The following PLEC variants were observed in gnomAD, a reference collection of about 807,000 sequenced individuals.
The protein encoded by PLEC is hemidesmosomal protein 1.
PLEC carries 216 observed loss-of-function variants against 392.8 expected under a neutral mutation model. The observed-to-expected ratio is 0.55, with a 90% confidence interval of 0.49 to 0.62. PLEC has a LOEUF of 0.62. Ranked by LOEUF, PLEC falls within the 20% of genes least tolerant of loss-of-function variation. The pLI, the probability that PLEC is intolerant of heterozygous loss-of-function variation, is 0.00. For synonymous variants in PLEC, 3,621 were observed against 2,980.6 expected (o/e 1.21, Z -7.00); for missense variants, 6,863 against 6,563.4 (o/e 1.05, Z -1.58).
rs782404494 is a variant in PLEC at position 143,924,437 on chromosome 8, G to A, written c.5492C>T (p.Ala1831Val). 26 of 1,573,708 alleles carry A rather than the reference G, an allele frequency of 1.7e-5. No individual in the cohort carries two copies. The highest frequency in any genetic ancestry group is 2.3e-5 in the East Asian group (1 of 42,798). ...CAGCTTCTCCGCAAGCACCCGCTCC[G>A]CCTCGGCCCGCTGCCGCGCCGCGTC... is the stretch of plus-strand genomic sequence containing the variant. ...EEDAARQRAEAERVLAEKLAA... is the reference protein window; with the variant it reads ...EEDAARQRAEVERVLAEKLAA... Residue 1831 changes from alanine to valine, a missense_variant, in exon 31 of 32, where the codon GCG becomes GTG. Transcript: ENST00000345136.
chr8:143,921,631 C>T lies in PLEC; in HGVS notation c.8190G>A (p.Leu2730=). ...GGAAGCCTGAGGCCGCCTGCGCCTC[C>T]AGCAGGATGAGGGCCGTGCCGGGAC... ...LLSPGTALIL[L]EAQAASGFLL... is the part of the protein sequence containing the mutation. Residue 2730 remains leucine (L), a synonymous_variant, in exon 32 of 32, where the codon CTG becomes CTA. Transcript: ENST00000345136. The T allele has an allele frequency of 6.2e-7, 1 of 1,613,058 alleles. No individual in the cohort carries two copies. Among genetic ancestry groups the T allele is most frequent in the Non-Finnish European group, 8.5e-7 (1 of 1,179,916 alleles).
At chr8:143,937,812 A>T (rs1320731847) in intron 3 of PLEC, 1 of 533,452 alleles carries the variant, frequency 1.9e-6, no homozygotes, top group Non-Finnish European at 3.6e-6. Flanking sequence ...GGCAAAGGGT[A>T]AAGGGCAGAG....
Position 143,939,446 on chromosome 8 carries a change from G to T in PLEC, c.16C>A (p.Leu6Ile). Residue 6 changes from leucine (L) to isoleucine (I), a missense_variant, in exon 1 of 32, where the codon CTC (leucine) becomes ATC (isoleucine). Transcript: ENST00000345136. ...AGGCCCTCGGGCTGCGGCACGCGGA[G>T]CTGGTGCTGAGACATGCTGCCCCCA... MSQHQLRVPQPEGLGR... is the reference protein window; with the variant it reads MSQHQIRVPQPEGLGR... The T allele has an allele frequency of 6.2e-7, 1 of 1,611,834 alleles. No individual in the cohort carries two copies.
intron 14 of PLEC, 22 bp downstream of exon 14, chr8:143,932,771 C>T (rs1554718075): frequency 1.2e-6 from 2 of 1,610,896 alleles, no homozygotes; most frequent in Non-Finnish European, 1.7e-6. Flanking sequence ...CCCCGCACTG[C>T]CCATCGCTCA....
rs1554710140 is a variant in PLEC at position 143,929,096 on chromosome 8, C to T, written c.3260+7G>A. On this transcript the variant is annotated splice_region_variant and intron_variant, in intron 25 of 31. Transcript: ENST00000345136. ...CCAGCCCCTCGCCTGTGGCCAGGTG[C>T]ACTCACTTCTCCAGGTAGATGGCAG... 1.9e-6 allele frequency: 3 copies of T among 1,566,266 alleles called. No individual in the cohort carries two copies. Among genetic ancestry groups the T allele is most frequent in the Admixed American group, 1.9e-5 (1 of 52,778 alleles).
chr8:143,969,148 C>A lies in PLEC; in HGVS notation c.70+4255G>T, dbSNP rs1833277306. The stretch of plus-strand genomic sequence containing the variant: ...ATAAACGCATAAGCAAAAGTGGGCA[C>A]TTCCACACCACGGAACCGACTCCAG... On this transcript the variant is annotated intron_variant, in intron 1 of 31. Transcript: ENST00000356346. The surrounding 1 kb of genome is among the most constrained non-coding windows in gnomAD (Gnocchi z 5.1). Among the ~76,000 whole-genome samples, 1 of 152,232 alleles carries A rather than the reference C, an allele frequency of 6.6e-6. No individual in the cohort carries two copies. The highest frequency in any genetic ancestry group is 1.5e-5 in the Non-Finnish European group (1 of 68,040).
Position 143,920,807 on chromosome 8 carries a change from C to T in PLEC, c.9014G>A (p.Arg3005His), listed in dbSNP as rs369581930. ...CACCTCGGCTACGTCTCGCACAGAG[C>T]GCTCACCTCGCTGCAGCTGCTGGTA... Reference protein sequence around the residue: ...ELYQQLQRGERSVRDVAEVDT... With the variant: ...ELYQQLQRGEHSVRDVAEVDT... The change falls in exon 32 of 32, where the codon CGC becomes CAC. Residue 3005 changes from arginine (R) to histidine (H), a missense_variant. Arg to His is a conservative substitution (Grantham distance 29). Coordinates refer to ENST00000345136, the MANE Select transcript of PLEC (RefSeq NM_201384.3). 55 of 1,607,902 alleles carry T rather than the reference C, an allele frequency of 3.4e-5. No individual in the cohort carries two copies. The highest frequency in any genetic ancestry group is 2.5e-4 in the African/African-American group (19 of 75,052).
At chr8:143,957,156 A>T (rs1832638874), upstream of PLEC, among the ~76,000 whole-genome samples, 1 of 152,100 alleles carries the variant, frequency 6.6e-6, no homozygotes, top group African/African-American at 2.4e-5. Flanking sequence ...CGAGCAAGAG[A>T]TTTAGGCAGC....
rs1822838740 is a variant in PLEC at position 143,921,793 on chromosome 8, G to C, written c.8028C>G (p.His2676Gln). ...GCCGTGCGAGCTCGTCCACCGTGGT[G>C]TGGCCCTGCGCCAACCGCTGCAGCT... is the stretch of plus-strand genomic sequence containing the variant. ...AEELQRLAQGHTTVDELARRE... is the reference protein window; with the variant it reads ...AEELQRLAQGQTTVDELARRE... Residue 2676 changes from histidine to glutamine, a missense_variant, in exon 32 of 32, where the codon CAC becomes CAG. By Grantham distance (24) the His-to-Gln change is conservative. Transcript: ENST00000345136. 2.5e-6 allele frequency: 4 copies of C among 1,610,468 alleles called. No individual in the cohort carries two copies. Among genetic ancestry groups the C allele is most frequent in the Admixed American group, 1.7e-5 (1 of 60,010 alleles).
chr8:143,947,582 T>TA (rs1317332056), intron 1 of PLEC, among the ~76,000 whole-genome samples: 1,732 of 138,272 alleles, frequency 0.013, 35 homozygotes, highest in African/African-American at 0.039. Context: ...CCGTCTCTAC[T>TA]AAAAAAAAAA....
rs1554691742 is a variant in PLEC at position 143,923,269 on chromosome 8, T to C, written c.6660A>G (p.Ala2220=). 1 of 1,606,352 alleles carries C rather than the reference T, an allele frequency of 6.2e-7. No homozygotes were observed. The highest frequency in any genetic ancestry group is 2.2e-5 in the East Asian group (1 of 44,790). ...CCTCCTCCACCTGGCTGCGCTGGCG[T>C]GCGGCCTCCGTGGCCTCCGCCTTCA... The part of the protein sequence containing the change: ...QRLKAEATEA[A]RQRSQVEEEL... The change falls in exon 31 of 32, where the codon GCA becomes GCG. Residue 2220 remains alanine (A), a synonymous_variant. Transcript: ENST00000345136.
rs759030267 is a variant in PLEC, at chr8:143,916,984, G to A, written c.12837C>T (p.Pro4279=). ...SWSDPTEETG[P]VAGILDTETL... ...TCTCCGTGTCCAGGATGCCAGCCAC[G>A]GGGCCCGTCTCCTCAGTGGGGTCTG... is the stretch of plus-strand genomic sequence containing the variant. Residue 4279 remains proline, a synonymous_variant, in exon 32 of 32, where the codon CCC becomes CCT. Transcript: ENST00000345136. 1.1e-4 allele frequency: 183 copies of A among 1,612,790 alleles called. 1 individual carries two copies. The Middle Eastern group carries it at 2.5e-3, about 22-fold the overall frequency.
chr8:143,975,226 G>C (rs1564241904), upstream of PLEC: 5 of 1,605,290 alleles, frequency 3.1e-6, no homozygotes, highest in Middle Eastern at 6.6e-4. This position sits in a 1 kb window ranked among gnomAD's most constrained non-coding sequence, Gnocchi z 9.9. Context: ...CACTCCCGTT[G>C]CTCCCAGCGC....
chr8:143,922,278 T>C lies in PLEC; in HGVS notation c.7543A>G (p.Lys2515Glu). The C allele has an allele frequency of 6.2e-7, 1 of 1,605,546 alleles. No individual in the cohort carries two copies. The highest frequency in any genetic ancestry group is 8.5e-7 in the Non-Finnish European group (1 of 1,178,786). ...TCGTCCTGGAAGAGCTGCTCCAGCTTGGCCTTCTCCTGCTCGATGAAGCGC... is the reference window on the plus strand; with the variant it reads ...TCGTCCTGGAAGAGCTGCTCCAGCTCGGCCTTCTCCTGCTCGATGAAGCGC... ...RERFIEQEKAKLEQLFQDEVA... is the reference protein window; with the variant it reads ...RERFIEQEKAELEQLFQDEVA... Residue 2515 changes from lysine (K) to glutamate (E), a missense_variant, in exon 32 of 32, where the codon AAG (lysine) becomes GAG (glutamate). Physicochemically the swap from Lys to Glu is moderately conservative, Grantham distance 56. Transcript: ENST00000345136.
At position 143,923,859 on chromosome 8, in the gene PLEC, G is replaced by T; in HGVS notation, c.6070C>A (p.Leu2024Met). 1 of 1,590,972 alleles carries T rather than the reference G, an allele frequency of 6.3e-7. No homozygotes were observed. The highest frequency in any genetic ancestry group is 1.1e-5 in the South Asian group (1 of 90,090). The change falls in exon 31 of 32, where the codon CTG becomes ATG. Residue 2024 changes from leucine to methionine, a missense_variant. By Grantham distance (15) the Leu-to-Met change is conservative. Coordinates refer to ENST00000345136, the MANE Select transcript of PLEC (RefSeq NM_201384.3). ...GACTCCTGCTCCGCTCGCTCCCGCA[G>T]GCGCCGCGCCTCCTCCACCTTGGCT... Reference protein sequence around the residue: ...LKAKVEEARRLRERAEQESAR... With the variant: ...LKAKVEEARRMRERAEQESAR...
rs539190005 is a variant in PLEC at position 143,923,650 on chromosome 8, C to G, written c.6279G>C (p.Ala2093=). The G allele has an allele frequency of 1.3e-6, 2 of 1,575,366 alleles. No individual in the cohort carries two copies. Among genetic ancestry groups the G allele is most frequent in the Admixed American group, 3.5e-5 (2 of 57,676 alleles). Residue 2093 remains alanine, a synonymous_variant, in exon 31 of 32, where the codon GCG becomes GCC. Transcript: ENST00000345136. ...AEAARRAAEE[A]EEARVQAERE... ...GCTCCGCCTGCACCCGGGCCTCCTC[C>G]GCCTCCTCAGCCGCCCGCCGGGCCG...
chr8:143,943,861 G>A (rs1554730612), upstream of PLEC: 1 of 1,612,230 alleles, frequency 6.2e-7, no homozygotes, highest in African/African-American at 1.3e-5. Context: ...CAACCACCAG[G>A]GAGGGAAACA....
intron 31 of PLEC, 34 bp downstream of exon 31, chr8:143,922,469 GC>G (rs1340458191): frequency 1.9e-6 from 3 of 1,602,414 alleles, no homozygotes; most frequent in Admixed American, 1.7e-5. Context: ...AGATCCCCGG[GC>G]CCACCCGCCC....
intron 12 of PLEC, 59 bp from the exon 13 acceptor site, chr8:143,933,410 C>G: frequency 6.3e-7 from 1 of 1,593,476 alleles, no homozygotes; most frequent in Non-Finnish European, 8.5e-7. Context: ...CTCACAGGGG[C>G]CCCGGCCAAG....
Sources: allele counts gnomAD v4.1 joint callset (sites outside exome capture counted in the v4.1 genomes callset), GRCh38; gene constraint gnomAD v4.1.1; non-coding constraint Gnocchi (gnomAD v3.1); transcripts MANE v1.5; gene names NCBI Gene and HGNC (gene_info 2026-07-23, HGNC 2026-07-21).